Variants in LOX observed in about 807,000 individuals in gnomAD.
LOX encodes the protein lysyl oxidase.
A neutral mutation model predicts 50.5 loss-of-function variants in LOX; 12 were observed. The observed-to-expected ratio is 0.24, with a 90% CI of 0.15 to 0.38. The LOEUF (loss-of-function observed/expected upper bound fraction) is 0.38. Ranked by LOEUF, LOX falls within the 10% of genes least tolerant of loss-of-function variation. LOX has a pLI of 1.00. For synonymous variants in LOX, 254 were observed against 230.6 expected (o/e 1.10, Z -0.92); for missense variants, 504 against 563.8 (o/e 0.89, Z 1.07).
chr5:122,070,233 A>G, intron 5 of LOX, 65 bp from the exon 6 acceptor site: 1 of 919,864 alleles, frequency 1.1e-6, no homozygotes, highest in Non-Finnish European at 1.8e-6. Context: ...GAAATTGTTA[A>G]TGAGGACTTA....
In LOX at chr5:122,066,104, A is replaced by G. The variant is rs1391988115; in HGVS notation, c.*639T>C. The G allele has an allele frequency of 6.6e-6, 1 of 152,128 alleles. No individual in the cohort carries two copies. Among genetic ancestry groups the G allele is most frequent in the Non-Finnish European group, 1.5e-5 (1 of 67,996 alleles). The allele number at this position is 152,128 out of a possible 1,614,324, so 9.4% of individuals were successfully genotyped here. ...GACTCAAGTCAAAATGAAATTGTGCACTTGAAAGAAAGGAAGTTATCTACT... is the reference window on the plus strand; with the variant it reads ...GACTCAAGTCAAAATGAAATTGTGCGCTTGAAAGAAAGGAAGTTATCTACT... On this transcript the variant is annotated 3_prime_UTR_variant, in exon 7 of 7. Transcript: ENST00000231004.
Position 122,077,913 on chromosome 5 carries a change from C to A in LOX, c.73G>T (p.Ala25Ser). The change falls in exon 1 of 7, where the codon GCC becomes TCC. Residue 25 changes from alanine (A) to serine (S), a missense_variant. Around this residue, in one of 2 missense-constraint regions of LOX, gnomAD observed 398 missense variants for 365.8 expected, o/e 1.09. Transcript: ENST00000231004. This position sits in a 1 kb window ranked among gnomAD's most constrained non-coding sequence, Gnocchi z 4.9. ...CGCGGGGGCTGCTGTTGGCCGGCGG[C>A]GGGAGGGGCGCAGTGCACTAGCGCG... ...LCALVHCAPP[A>S]AGQQQPPREP... 1 of 1,513,308 alleles carries A rather than the reference C, an allele frequency of 6.6e-7. No homozygotes were observed. Among genetic ancestry groups the A allele is most frequent in the Non-Finnish European group, 8.8e-7 (1 of 1,141,460 alleles). 93.7% of individuals were successfully genotyped at this position (1,513,308 alleles called of 1,614,324 possible).
At chr5:122,070,962 C>T (rs1307903186) in intron 4 of LOX, among the ~76,000 whole-genome samples, 1 of 152,092 alleles carries the variant, frequency 6.6e-6, no homozygotes, top group African/African-American at 2.4e-5. Flanking sequence ...TGAAATCCTC[C>T]CCAGTTTCCC....
chr5:122,077,618 T>G lies in LOX; in HGVS notation c.368A>C (p.His123Pro). 1 of 1,611,798 alleles carries G rather than the reference T, an allele frequency of 6.2e-7. No individual in the cohort carries two copies. The change falls in exon 1 of 7, where the codon CAC becomes CCC. Residue 123 changes from histidine to proline, a missense_variant. His to Pro is a moderately conservative substitution (Grantham distance 77, BLOSUM62 -2). Coordinates refer to ENST00000231004, the MANE Select transcript of LOX (RefSeq NM_002317.7). The surrounding 1 kb of genome is among the most constrained non-coding windows in gnomAD (Gnocchi z 4.9). Reference protein sequence around the residue: ...TAGRPRPTARHWFQAGYSTSR... With the variant: ...TAGRPRPTARPWFQAGYSTSR... ...TGTCGAGTAGCCAGCTTGGAACCAGTGACGGGCGGTGGGCCTGGGGCGGCC... is the reference window on the plus strand; with the variant it reads ...TGTCGAGTAGCCAGCTTGGAACCAGGGACGGGCGGTGGGCCTGGGGCGGCC...
Position 122,066,716 on chromosome 5 carries a change from T to G in LOX, c.*27A>C. The G allele has an allele frequency of 6.3e-7, 1 of 1,594,226 alleles. No individual in the cohort carries two copies. The highest frequency in any genetic ancestry group is 8.6e-7 in the Non-Finnish European group (1 of 1,162,718). On this transcript the variant is annotated 3_prime_UTR_variant, in exon 7 of 7. Transcript: ENST00000231004. ...CACTTCAGAACACCAGGCACTGATTTATCCATTGGGAGTTTTGCTTTGCCT... is the reference window on the plus strand; with the variant it reads ...CACTTCAGAACACCAGGCACTGATTGATCCATTGGGAGTTTTGCTTTGCCT...
rs954871856 is a variant in LOX, at chr5:122,065,938, C to T, written c.*805G>A. On this transcript the variant is annotated 3_prime_UTR_variant, in exon 7 of 7. Transcript: ENST00000231004. ...AGTTTCACGGCTGCCTTATGTATACCAGTCCCAAGAATGGTGATATTAAGA... is the reference window on the plus strand; with the variant it reads ...AGTTTCACGGCTGCCTTATGTATACTAGTCCCAAGAATGGTGATATTAAGA... 1.3e-5 allele frequency: 2 copies of T among 151,966 alleles called. No individual in the cohort carries two copies. Among genetic ancestry groups the T allele is most frequent in the Admixed American group, 6.6e-5 (1 of 15,220 alleles). 9.4% of individuals were successfully genotyped at this position (151,966 alleles called of 1,614,324 possible).
intron 2 of LOX, among the ~76,000 whole-genome samples, chr5:122,076,391 T>C (rs1263682232): frequency 1.3e-5 from 2 of 152,188 alleles, no homozygotes; most frequent in Non-Finnish European, 2.9e-5. Context: ...ACAAAGCTCT[T>C]GCTCACGGTC....
chr5:122,077,137 A>G lies in LOX; in HGVS notation c.632-136T>C. 1 of 1,475,650 alleles carries G rather than the reference A, an allele frequency of 6.8e-7. No homozygotes were observed. The highest frequency in any genetic ancestry group is 1.4e-5 in the South Asian group (1 of 73,334). 91.4% of individuals were successfully genotyped at this position (1,475,650 alleles called of 1,614,324 possible). A position where few individuals can be genotyped will look rare whatever the true frequency, so the allele number is the denominator to read the frequency against. On this transcript the variant is annotated intron_variant, in intron 1 of 6. Coordinates refer to ENST00000231004, the MANE Select transcript of LOX (RefSeq NM_002317.7). The surrounding 1 kb of genome is among the most constrained non-coding windows in gnomAD (Gnocchi z 4.9). The stretch of plus-strand genomic sequence containing the variant: ...AGAGTGGAGCGGAGGACAGCAAGAG[A>G]ACTGGGGACGCCCGGGACTGCAAAG...
chr5:122,078,165 C>A lies in LOX; in HGVS notation c.-180G>T. The A allele has an allele frequency of 2.0e-6, 1 of 511,286 alleles. No individual in the cohort carries two copies. The highest frequency in any genetic ancestry group is 3.2e-6 in the Non-Finnish European group (1 of 316,262). The allele number at this position is 511,286 out of a possible 1,614,324, so 31.7% of individuals were successfully genotyped here. A position where few individuals can be genotyped will look rare whatever the true frequency, so the allele number is the denominator to read the frequency against. On this transcript the variant is annotated 5_prime_UTR_variant, in exon 1 of 7. Transcript: ENST00000231004. ...GATTCAGACCCTTCCCCAGTCAAGG[C>A]GGCTGCTCGGACGTGGCACCCTTCC...
chr5:122,077,138 A>T lies in LOX; in HGVS notation c.632-137T>A. ...GAGTGGAGCGGAGGACAGCAAGAGA[A>T]CTGGGGACGCCCGGGACTGCAAAGC... On this transcript the variant is annotated intron_variant, in intron 1 of 6. Transcript: ENST00000231004. The surrounding 1 kb of genome is among the most constrained non-coding windows in gnomAD (Gnocchi z 4.9). 3 of 1,475,256 alleles carry T rather than the reference A, an allele frequency of 2.0e-6. No homozygotes were observed. The highest frequency in any genetic ancestry group is 2.7e-6 in the Non-Finnish European group (3 of 1,118,920). 91.4% of individuals were successfully genotyped at this position (1,475,256 alleles called of 1,614,324 possible). A position where few individuals can be genotyped will look rare whatever the true frequency, so the allele number is the denominator to read the frequency against.
At chr5:122,069,545 G>A (rs529785992) in intron 6 of LOX, among the ~76,000 whole-genome samples, 1 of 152,202 alleles carries the variant, frequency 6.6e-6, no homozygotes, top group South Asian at 2.1e-4. Context: ...TCAATCTTTT[G>A]CAGAGTATTT....
chr5:122,077,397 C>T lies in LOX; in HGVS notation c.589G>A (p.Gly197Ser), dbSNP rs934229971. 6.2e-7 allele frequency: 1 copy of T among 1,613,956 alleles called. No individual in the cohort carries two copies. Among genetic ancestry groups the T allele is most frequent in the East Asian group, 2.2e-5 (1 of 44,872 alleles). The change falls in exon 1 of 7, where the codon GGC (glycine) becomes AGC (serine). Residue 197 changes from glycine (G) to serine (S), a missense_variant. Coordinates refer to ENST00000231004, the MANE Select transcript of LOX (RefSeq NM_002317.7). This position sits in a 1 kb window ranked among gnomAD's most constrained non-coding sequence, Gnocchi z 4.9. Reference sequence around the variant, plus strand: ...GTGCCGTATCCGGGCCGGTACCTGCCCCCAGGTCTGGGCCTTTCATAAGTA... The same window carrying T: ...GTGCCGTATCCGGGCCGGTACCTGCTCCCAGGTCTGGGCCTTTCATAAGTA... ...YDTYERPRPG[G>S]RYRPGYGTGY...
chr5:122,072,892 C>T (rs578165186), intron 4 of LOX, among the ~76,000 whole-genome samples: 1 of 152,292 alleles, frequency 6.6e-6, no homozygotes, highest in African/African-American at 2.4e-5. Flanking sequence ...GGCAAATAAA[C>T]TCTAGGTCCC....
Position 122,070,046 on chromosome 5 carries a change from CACTT to C in LOX, c.1247+3_1247+6del, listed in dbSNP as rs1356751545. ...AACAATTACTTAGCTAAGCAAATAA[CACTT>C]ACGGTGAAATTGTGCAGCCTGAGGC... On this transcript the variant is annotated splice_donor_5th_base_variant and intron_variant, in intron 6 of 6. Coordinates refer to ENST00000231004, the MANE Select transcript of LOX (RefSeq NM_002317.7). 1.3e-6 allele frequency: 2 copies of C among 1,586,206 alleles called. No individual in the cohort carries two copies. Among genetic ancestry groups the C allele is most frequent in the Admixed American group, 1.7e-5 (1 of 59,836 alleles).
In LOX at chr5:122,077,941, G is replaced by C; in HGVS notation, c.45C>G (p.Leu15=). Reference sequence around the variant, plus strand: ...GAGGGGCGCAGTGCACTAGCGCGCAGAGCTGCAAAGGCCCGAGCAGGAGCA... The same window carrying C: ...GAGGGGCGCAGTGCACTAGCGCGCACAGCTGCAAAGGCCCGAGCAGGAGCA... ...WTVLLLGPLQ[L]CALVHCAPPA... is the part of the protein sequence containing the mutation. The change falls in exon 1 of 7, where the codon CTC becomes CTG. Residue 15 remains leucine (L), a synonymous_variant. Coordinates refer to ENST00000231004, the MANE Select transcript of LOX (RefSeq NM_002317.7). This position sits in a 1 kb window ranked among gnomAD's most constrained non-coding sequence, Gnocchi z 4.9. 3 of 1,493,954 alleles carry C rather than the reference G, an allele frequency of 2.0e-6. No individual in the cohort carries two copies. Among genetic ancestry groups the C allele is most frequent in the Non-Finnish European group, 2.6e-6 (3 of 1,133,032 alleles). The allele number at this position is 1,493,954 out of a possible 1,614,324, so 92.5% of individuals were successfully genotyped here. A position where few individuals can be genotyped will look rare whatever the true frequency, so the allele number is the denominator to read the frequency against.
At position 122,065,515 on chromosome 5, in the gene LOX, C is replaced by G. The variant is rs967985756; in HGVS notation, c.*1228G>C. The G allele has an allele frequency of 2.6e-5, 4 of 152,178 alleles. No homozygotes were observed. Among genetic ancestry groups the G allele is most frequent in the African/African-American group, 9.6e-5 (4 of 41,544 alleles). The allele number at this position is 152,178 out of a possible 1,614,324, so 9.4% of individuals were successfully genotyped here. On this transcript the variant is annotated 3_prime_UTR_variant, in exon 7 of 7. Coordinates refer to ENST00000231004, the MANE Select transcript of LOX (RefSeq NM_002317.7). ...ATCACAGCTGTCTCATTACGCAGCACAGTCCTTGGTTTTGCAGAAAGTATA... is the reference window on the plus strand; with the variant it reads ...ATCACAGCTGTCTCATTACGCAGCAGAGTCCTTGGTTTTGCAGAAAGTATA...
chr5:122,072,743 G>A (rs1754486036), intron 4 of LOX, among the ~76,000 whole-genome samples: 1 of 152,174 alleles, frequency 6.6e-6, no homozygotes, highest in African/African-American at 2.4e-5. Context: ...TATGGAAGAT[G>A]ATTAACAAGA....
chr5:122,071,217 GTGTA>G (rs200575800), intron 4 of LOX, among the ~76,000 whole-genome samples: 1 of 148,534 alleles, frequency 6.7e-6, no homozygotes, highest in Non-Finnish European at 1.5e-5. Flanking sequence ...GTGTGTGTGT[GTGTA>G]TAAAAATTCA....
chr5:122,076,932 T>G lies in LOX; in HGVS notation c.701A>C (p.Tyr234Ser), dbSNP rs1672297570. ...ASTYVQKMSM[Y>S]NLRCAAEENC... The stretch of plus-strand genomic sequence containing the variant: ...TTCCTCCGCCGCGCATCTCAGGTTG[T>G]ACATGGACATCTTCTGCACGTACGT... The change falls in exon 2 of 7, where the codon TAC (tyrosine) becomes TCC (serine). Residue 234 changes from tyrosine (Y) to serine (S), a missense_variant. Physicochemically the swap from Tyr to Ser is moderately radical, Grantham distance 144. Coordinates refer to ENST00000231004, the MANE Select transcript of LOX (RefSeq NM_002317.7). The G allele has an allele frequency of 1.2e-6, 2 of 1,613,650 alleles. No individual in the cohort carries two copies. The highest frequency in any genetic ancestry group is 1.7e-5 in the Admixed American group (1 of 59,976).
Sources: allele counts gnomAD v4.1 joint callset (sites outside exome capture counted in the v4.1 genomes callset), GRCh38; gene constraint gnomAD v4.1.1; regional missense constraint gnomAD v4.1.1; non-coding constraint Gnocchi (gnomAD v3.1); transcripts MANE v1.5; gene names NCBI Gene and HGNC (gene_info 2026-07-23, HGNC 2026-07-21).